The following SLC16A10 variants were observed in gnomAD, a reference collection of about 807,000 sequenced individuals.
SLC16A10 encodes monocarboxylate transporter 10.
A neutral mutation model predicts 40.0 loss-of-function variants in SLC16A10; 27 were observed. The ratio of observed to expected loss-of-function variants is 0.67; its 90% CI spans 0.50 to 0.93. The LOEUF (loss-of-function observed/expected upper bound fraction) is 0.93, where lower values mean the gene tolerates loss of function less well. Ranked by LOEUF, SLC16A10 falls within the 40% of genes least tolerant of loss-of-function variation. The pLI, the probability that SLC16A10 is intolerant of heterozygous loss-of-function variation, is 0.00. For synonymous variants in SLC16A10, 213 were observed against 249.8 expected (o/e 0.85, Z 1.39); for missense variants, 529 against 658.2 (o/e 0.80, Z 2.15).
At chr6:111,218,782 G>A (rs1049595326) in intron 4 of SLC16A10, 32 bp from the exon 5 acceptor site, 8 of 1,577,058 alleles carry the variant, frequency 5.1e-6, no homozygotes, top group Admixed American at 1.7e-5. Context: ...TGCTTCCTGC[G>A]AGCGGAGCTG....
chr6:111,195,858 A>G (rs1355570305), intron 3 of SLC16A10, among the ~76,000 whole-genome samples: 3 of 152,172 alleles, frequency 2.0e-5, no homozygotes, highest in Non-Finnish European at 2.9e-5. Context: ...TCCTCCTACC[A>G]GGGTGTGGTC....
intron 1 of SLC16A10, among the ~76,000 whole-genome samples, chr6:111,143,246 A>AT (rs921552421): frequency 4.6e-4 from 68 of 146,606 alleles, no homozygotes; most frequent in Middle Eastern, 7.2e-3. Flanking sequence ...CACCTGGCTA[A>AT]TTTTTTTTTT....
intron 1 of SLC16A10, among the ~76,000 whole-genome samples, chr6:111,094,260 CTGT>C (rs1462183177): frequency 6.7e-6 from 1 of 149,620 alleles, no homozygotes; most frequent in Non-Finnish European, 1.5e-5. Flanking sequence ...TGTCTTGGGG[CTGT>C]TATTTCCAAA....
At chr6:111,198,052 C>T (rs1182816197) in intron 3 of SLC16A10, among the ~76,000 whole-genome samples, 1 of 152,036 alleles carries the variant, frequency 6.6e-6, no homozygotes, top group Admixed American at 6.5e-5. Flanking sequence ...TTTGAGAGGC[C>T]GAGGCAGGCA....
chr6:111,177,722 T>C, intron 3 of SLC16A10, 57 bp downstream of exon 3: 1 of 1,435,110 alleles, frequency 7.0e-7, no homozygotes, highest in Non-Finnish European at 9.2e-7. Context: ...AAAAACTTCT[T>C]TGAAGAGAAA....
At chr6:111,091,575 A>G (rs1770975766) in intron 1 of SLC16A10, among the ~76,000 whole-genome samples, 2 of 152,180 alleles carry the variant, frequency 1.3e-5, no homozygotes, top group South Asian at 2.1e-4. Flanking sequence ...TAGAAGAACA[A>G]GATACTTCCA....
At chr6:111,115,051 G>A (rs1225323839) in intron 1 of SLC16A10, among the ~76,000 whole-genome samples, 4 of 151,888 alleles carry the variant, frequency 2.6e-5, no homozygotes, top group African/African-American at 7.3e-5. Context: ...GTATTTAATT[G>A]TATGTTCTTC....
chr6:111,119,083 C>G (rs1771539122), intron 1 of SLC16A10, among the ~76,000 whole-genome samples: 1 of 152,202 alleles, frequency 6.6e-6, no homozygotes, highest in Non-Finnish European at 1.5e-5. Flanking sequence ...AAGGGCTAAG[C>G]TAGCCCAGGA....
intron 3 of SLC16A10, among the ~76,000 whole-genome samples, chr6:111,184,330 A>T (rs1772855672): frequency 6.6e-6 from 1 of 152,176 alleles, no homozygotes; most frequent in Non-Finnish European, 1.5e-5. Flanking sequence ...AAGTGGGTTG[A>T]CTTTGTGGCA....
At chr6:111,137,407 G>A (rs1057378974) in intron 1 of SLC16A10, among the ~76,000 whole-genome samples, 1 of 152,238 alleles carries the variant, frequency 6.6e-6, no homozygotes, top group African/African-American at 2.4e-5. Context: ...CAGAGCCTGT[G>A]AAGTGTGCCA....
chr6:111,094,278 A>C (rs1771034562), intron 1 of SLC16A10, among the ~76,000 whole-genome samples: 1 of 129,906 alleles, frequency 7.7e-6, no homozygotes, highest in Non-Finnish European at 1.6e-5. Context: ...TCCAAATCTC[A>C]TCACTGTGTT....
At chr6:111,138,410 G>GT (rs1164731170) in intron 1 of SLC16A10, among the ~76,000 whole-genome samples, 3 of 152,194 alleles carry the variant, frequency 2.0e-5, no homozygotes, top group Admixed American at 2.0e-4. Context: ...TTCCTCTGCT[G>GT]TTGACAAAGC....
In SLC16A10 at chr6:111,219,043, G is replaced by A; in HGVS notation, c.1315+1G>A. ...ATGACTGTTGGCCCACCCATTGCAGGTAAATATAATGATTCTCCAGTAGTT... is the reference window on the plus strand; with the variant it reads ...ATGACTGTTGGCCCACCCATTGCAGATAAATATAATGATTCTCCAGTAGTT... On this transcript the variant is annotated splice_donor_variant, in intron 5 of 5. Coordinates refer to ENST00000368851, the MANE Select transcript of SLC16A10 (RefSeq NM_018593.5). LOFTEE classifies it high-confidence loss of function. 2 of 1,611,692 alleles carry A rather than the reference G, an allele frequency of 1.2e-6. No individual in the cohort carries two copies. The highest frequency in any genetic ancestry group is 1.7e-6 in the Non-Finnish European group (2 of 1,177,900).
At chr6:111,148,238 T>C (rs1214523155) in intron 1 of SLC16A10, among the ~76,000 whole-genome samples, 1 of 152,180 alleles carries the variant, frequency 6.6e-6, no homozygotes, top group African/African-American at 2.4e-5. Context: ...AACTCTTCTA[T>C]ATAAAAGAGG....
chr6:111,092,693 T>G lies in SLC16A10; in HGVS notation c.343+4598T>G, dbSNP rs542161599. On this transcript the variant is annotated intron_variant, in intron 1 of 5. Transcript: ENST00000368851. ...CTAGGTAGAGAGGAATCAGACACTC[T>G]GGGGAAGAATACAAAGAAATACAAT... is the stretch of plus-strand genomic sequence containing the variant. Among the ~76,000 whole-genome samples, 4 of 152,078 alleles carry G rather than the reference T, an allele frequency of 2.6e-5. No individual in the cohort carries two copies. In the South Asian group the frequency reaches 8.3e-4, roughly 32 times the overall value.
At chr6:111,088,600 T>C (rs1257126831) in intron 1 of SLC16A10, among the ~76,000 whole-genome samples, 1 of 152,102 alleles carries the variant, frequency 6.6e-6, no homozygotes, top group African/African-American at 2.4e-5. Context: ...CGAAGGTCAC[T>C]GGAGTTCCAA....
At chr6:111,121,038 CT>C (rs1771574262) in intron 1 of SLC16A10, among the ~76,000 whole-genome samples, 1 of 152,100 alleles carries the variant, frequency 6.6e-6, no homozygotes, top group South Asian at 2.1e-4. Context: ...TCAAATATTT[CT>C]GTTTTATTCA....
intron 1 of SLC16A10, among the ~76,000 whole-genome samples, chr6:111,123,349 A>G (rs890929481): frequency 2.0e-5 from 3 of 152,230 alleles, no homozygotes; most frequent in Non-Finnish European, 4.4e-5. Context: ...AGATTACTAC[A>G]GGGTAAAAGA....
chr6:111,147,164 A>G (rs2114510728), intron 1 of SLC16A10, among the ~76,000 whole-genome samples: 1 of 152,364 alleles, frequency 6.6e-6, no homozygotes, highest in African/African-American at 2.4e-5. Context: ...ACTAAGACAC[A>G]CTGAATTGTA....
Sources: allele counts gnomAD v4.1 joint callset (sites outside exome capture counted in the v4.1 genomes callset), GRCh38; gene constraint gnomAD v4.1.1; transcripts MANE v1.5; gene names NCBI Gene and HGNC (gene_info 2026-07-23, HGNC 2026-07-21).